INTU: variants seen among roughly 807,000 people sequenced by gnomAD.
INTU encodes protein inturned.
Under a neutral mutation model 100.5 loss-of-function variants are expected in INTU, and 68 were observed. The observed-to-expected ratio is 0.68, with a 90% CI of 0.56 to 0.83. INTU has a LOEUF of 0.83. Ranked by LOEUF, INTU falls within the 40% of genes least tolerant of loss-of-function variation. INTU has a pLI of 0.00. For missense variants in INTU, 1,071 were observed against 1,114.7 expected, an observed-to-expected ratio of 0.96 and a Z score of 0.56; for synonymous variants, 357 against 395.7, an observed-to-expected ratio of 0.90 and a Z score of 1.16.
chr4:127,700,050 A>G lies in INTU; in HGVS notation c.1490A>G (p.Asp497Gly). 6.2e-7 allele frequency: 1 copy of G among 1,606,326 alleles called. No homozygotes were observed. Among genetic ancestry groups the G allele is most frequent in the Non-Finnish European group, 8.5e-7 (1 of 1,176,386 alleles). Residue 497 changes from aspartate to glycine, a missense_variant, in exon 9 of 16, where the codon GAT (aspartate) becomes GGT (glycine). Coordinates refer to ENST00000335251, the MANE Select transcript of INTU (RefSeq NM_015693.4). ...DMALSDLEAA[D>G]FAELSEDYYD... Reference sequence around the variant, plus strand: ...GCATTAAGTGACTTGGAGGCTGCAGATTTTGCAGAACTGGTAAGGGAAGGA... The same window carrying G: ...GCATTAAGTGACTTGGAGGCTGCAGGTTTTGCAGAACTGGTAAGGGAAGGA...
Position 127,723,474 on chromosome 4 carries a change from G to T in INTU, c.*7038G>T. 1.4e-5 allele frequency: 2 copies of T among 142,780 alleles called. No homozygotes were observed. Among genetic ancestry groups the T allele is most frequent in the African/African-American group, 2.7e-5 (1 of 37,550 alleles). The allele number at this position is 142,780 out of a possible 1,614,324, so 8.8% of individuals were successfully genotyped here. On this transcript the variant is annotated 3_prime_UTR_variant, in exon 16 of 16. Transcript: ENST00000335251. The stretch of plus-strand genomic sequence containing the variant: ...ACTTATTCCTTATCAGATACTTTTC[G>T]TTAATTTAACTATCCTAGTACATAC...
At chr4:127,671,232 C>G (rs1196858349) in intron 5 of INTU, among the ~76,000 whole-genome samples, 1 of 151,904 alleles carries the variant, frequency 6.6e-6, no homozygotes, top group African/African-American at 2.4e-5. Context: ...TGACTAATAT[C>G]CAGAATCTAT....
chr4:127,702,526 G>A (rs1028032439), intron 9 of INTU, among the ~76,000 whole-genome samples: 7 of 152,134 alleles, frequency 4.6e-5, no homozygotes, highest in Non-Finnish European at 1.0e-4. Flanking sequence ...AAAAGTTGGT[G>A]TAGGGAGGTG....
chr4:127,658,906 G>C (rs761412053), intron 3 of INTU, among the ~76,000 whole-genome samples: 4 of 151,978 alleles, frequency 2.6e-5, no homozygotes, highest in African/African-American at 7.3e-5. Context: ...AGAATCAGTG[G>C]GAGCCCTGAG....
rs1179073179 is a variant in INTU, at chr4:127,706,886, C to A, written c.2188C>A (p.Pro730Thr). The A allele has an allele frequency of 1.2e-6, 2 of 1,613,870 alleles. No individual in the cohort carries two copies. Among genetic ancestry groups the A allele is most frequent in the African/African-American group, 2.7e-5 (2 of 74,876 alleles). Residue 730 changes from proline to threonine, a missense_variant, in exon 12 of 16, where the codon CCC (proline) becomes ACC (threonine). Physicochemically the swap from Pro to Thr is conservative, Grantham distance 38. Transcript: ENST00000335251. ...CEGGEDDGFS[P>T]HTTPDAVRKQ... ...AGGTGGAGAAGATGATGGCTTTAGC[C>A]CCCATACTACACCGGATGCAGTACG...
At chr4:127,701,342 A>G (rs1415653714) in intron 9 of INTU, among the ~76,000 whole-genome samples, 2 of 152,326 alleles carry the variant, frequency 1.3e-5, no homozygotes, top group Non-Finnish European at 2.9e-5. Flanking sequence ...CAAGAGACTG[A>G]ATATTATCAA....
rs543111534 is a variant in INTU at position 127,721,671 on chromosome 4, C to T, written c.*5235C>T. 4.6e-5 allele frequency: 7 copies of T among 152,266 alleles called. No individual in the cohort carries two copies. The highest frequency in any genetic ancestry group is 1.7e-4 in the African/African-American group (7 of 41,546). The allele number at this position is 152,266 out of a possible 1,614,324, so 9.4% of individuals were successfully genotyped here. Reference sequence around the variant, plus strand: ...CTCAGAGGTTTCATTCATTCCTTTTCATTCTTTTTTCTCTAATCTTGTCTG... The same window carrying T: ...CTCAGAGGTTTCATTCATTCCTTTTTATTCTTTTTTCTCTAATCTTGTCTG... On this transcript the variant is annotated 3_prime_UTR_variant, in exon 16 of 16. Transcript: ENST00000335251.
chr4:127,661,691 T>G (rs994086667), intron 3 of INTU, among the ~76,000 whole-genome samples: 1 of 152,188 alleles, frequency 6.6e-6, no homozygotes, highest in Non-Finnish European at 1.5e-5. Context: ...TACTCAGGAA[T>G]TCCCCAAAGA....
intron 8 of INTU, among the ~76,000 whole-genome samples, chr4:127,696,119 A>G (rs1455349489): frequency 2.0e-5 from 3 of 152,008 alleles, no homozygotes; most frequent in African/African-American, 7.2e-5. Context: ...TTTTGAATGT[A>G]TGTTCTTGAA....
intron 7 of INTU, chr4:127,686,597 ATC>A (rs2126230525): frequency 6.6e-6 from 1 of 152,318 alleles, no homozygotes; most frequent in African/African-American, 2.4e-5. Context: ...ACATTGGAAT[ATC>A]AGCTCAAATG....
intron 1 of INTU, among the ~76,000 whole-genome samples, chr4:127,640,542 C>CATACATATAT (rs1727269299): frequency 1.9e-5 from 1 of 53,636 alleles, no homozygotes; most frequent in Non-Finnish European, 3.2e-5. Flanking sequence ...GGTAAAGATA[C>CATACATATAT]ATATATATAT....
At chr4:127,715,434 C>A (rs1731234193) in intron 15 of INTU, among the ~76,000 whole-genome samples, 1 of 152,124 alleles carries the variant, frequency 6.6e-6, no homozygotes, top group Non-Finnish European at 1.5e-5. Flanking sequence ...TTTAGAATCA[C>A]CTAAGTCACT....
intron 11 of INTU, 113 bp from the exon 12 acceptor site, chr4:127,706,374 A>G (rs1242917411): frequency 2.4e-6 from 2 of 850,732 alleles, no homozygotes; most frequent in African/African-American, 3.4e-5. Flanking sequence ...TAATCATCAC[A>G]TGATTATGCC....
intron 2 of INTU, among the ~76,000 whole-genome samples, chr4:127,650,444 A>G (rs1239982787): frequency 2.1e-5 from 3 of 144,734 alleles, no homozygotes; most frequent in Non-Finnish European, 3.0e-5. Flanking sequence ...TCATTCTTCA[A>G]TTCCCATCTA....
At chr4:127,715,854 AAT>A (rs1293074244) in intron 15 of INTU, among the ~76,000 whole-genome samples, 2 of 152,208 alleles carry the variant, frequency 1.3e-5, no homozygotes, top group African/African-American at 4.8e-5. Context: ...GTATTGATTA[AAT>A]GGATTTCAAT....
intron 5 of INTU, 63 bp downstream of exon 5, chr4:127,669,217 A>G: frequency 1.3e-6 from 1 of 753,360 alleles, no homozygotes; most frequent in Non-Finnish European, 2.2e-6. Flanking sequence ...ACCCTGACAA[A>G]ATGCTAAAAC....
At chr4:127,647,950 C>T (rs544368930) in intron 2 of INTU, among the ~76,000 whole-genome samples, 3 of 95,034 alleles carry the variant, frequency 3.2e-5, no homozygotes, top group Non-Finnish European at 6.0e-5. Context: ...CCCTTTAGTA[C>T]ACATGTTGTT....
At chr4:127,687,459 T>C in intron 7 of INTU, 1 of 323,004 alleles carries the variant, frequency 3.1e-6, no homozygotes, top group Non-Finnish European at 5.8e-6. Context: ...AGCCATCTAC[T>C]TGATACACTT....
At chr4:127,676,865 C>A (rs1729223858) in intron 6 of INTU, among the ~76,000 whole-genome samples, 1 of 152,166 alleles carries the variant, frequency 6.6e-6, no homozygotes, top group African/African-American at 2.4e-5. Flanking sequence ...GGGTGACAGA[C>A]AGCACCTGGA....
Sources: gnomAD v4.1 joint callset for allele counts (sites outside exome capture counted in the v4.1 genomes callset) on GRCh38, gnomAD v4.1.1 for gene constraint, MANE v1.5 for transcripts, NCBI Gene and HGNC (gene_info 2026-07-23, HGNC 2026-07-21) for gene names.